AUTS2: variants seen among roughly 807,000 people sequenced by gnomAD.
AUTS2 encodes autism susceptibility gene 2 protein.
Under a neutral mutation model 112.4 loss-of-function variants are expected in AUTS2, and 17 were observed. The observed-to-expected ratio is 0.15, with a 90% CI of 0.10 to 0.23. The LOEUF is 0.23. Ranked by LOEUF, AUTS2 falls within the 10% of genes least tolerant of loss-of-function variation. AUTS2 has a pLI of 1.00. For synonymous variants in AUTS2, 751 were observed against 702.7 expected (o/e 1.07, Z -1.09); for missense variants, 1,510 against 1,701.6 (o/e 0.89, Z 1.98).
chr7:69,691,223 G>A (rs958941603), intron 1 of AUTS2, among the ~76,000 whole-genome samples: 1 of 152,152 alleles, frequency 6.6e-6, no homozygotes, highest in Non-Finnish European at 1.5e-5. Context: ...TCCAAGCCAC[G>A]GACTCCAGCT....
At chr7:69,800,227 C>A (rs1790023252) in intron 1 of AUTS2, among the ~76,000 whole-genome samples, 1 of 152,188 alleles carries the variant, frequency 6.6e-6, no homozygotes, top group South Asian at 2.1e-4. Context: ...CCAGGATCAG[C>A]TTTAGGAAAG....
intron 4 of AUTS2, among the ~76,000 whole-genome samples, chr7:70,392,166 G>A (rs941663574): frequency 2.6e-5 from 4 of 152,038 alleles, no homozygotes; most frequent in African/African-American, 7.2e-5. Flanking sequence ...ACTGTTCCTC[G>A]CCCTAGACAG....
intron 10 of AUTS2, among the ~76,000 whole-genome samples, chr7:70,768,269 A>T (rs983758410): frequency 5.9e-5 from 9 of 152,252 alleles, no homozygotes; most frequent in Non-Finnish European, 1.3e-4. Flanking sequence ...TCAAAAGATC[A>T]TAAGCATTCC....
At chr7:69,749,109 A>G (rs1436906237) in intron 1 of AUTS2, among the ~76,000 whole-genome samples, 1 of 152,144 alleles carries the variant, frequency 6.6e-6, no homozygotes, top group Non-Finnish European at 1.5e-5. Flanking sequence ...ATTGAATGAG[A>G]TGATGTAAGC....
intron 5 of AUTS2, among the ~76,000 whole-genome samples, chr7:70,546,566 C>T (rs1800791745): frequency 6.6e-6 from 1 of 152,114 alleles, no homozygotes; most frequent in African/African-American, 2.4e-5. Flanking sequence ...ATCACGAGGT[C>T]AGGAGATTGA....
Position 70,786,041 on chromosome 7 carries a change from G to A in AUTS2, c.2308+3G>A. The A allele has an allele frequency of 6.2e-7, 1 of 1,613,170 alleles. No individual in the cohort carries two copies. On this transcript the variant is annotated splice_donor_region_variant and intron_variant, in intron 17 of 18. Coordinates refer to ENST00000342771, the MANE Select transcript of AUTS2 (RefSeq NM_015570.4). The stretch of plus-strand genomic sequence containing the variant: ...GGGACTTGGAAATCCTTCCGTTAGT[G>A]AGTACCTCTAACTTTTAAAAATCTG...
chr7:70,610,198 C>A (rs1203777692), intron 5 of AUTS2, among the ~76,000 whole-genome samples: 1 of 152,026 alleles, frequency 6.6e-6, no homozygotes, highest in Non-Finnish European at 1.5e-5. Context: ...AGGGTTTTGC[C>A]ATGTAGGCTG....
At chr7:70,240,138 G>A (rs1478612162) in intron 4 of AUTS2, among the ~76,000 whole-genome samples, 1 of 152,162 alleles carries the variant, frequency 6.6e-6, no homozygotes, top group African/African-American at 2.4e-5. Flanking sequence ...GAATCTCCCA[G>A]CCCCGGTAGC....
chr7:69,695,615 A>G (rs1257064531), intron 1 of AUTS2, among the ~76,000 whole-genome samples: 2 of 152,140 alleles, frequency 1.3e-5, no homozygotes, highest in Non-Finnish European at 2.9e-5. Context: ...ATCCATTTTA[A>G]AAAACTATCC....
intron 4 of AUTS2, among the ~76,000 whole-genome samples, chr7:70,215,096 GCAA>G (rs1811106373): frequency 6.6e-6 from 1 of 152,066 alleles, no homozygotes; most frequent in African/African-American, 2.4e-5. Flanking sequence ...ACTAGCCTGG[GCAA>G]CATACTGAGA....
At chr7:69,702,908 T>C (rs945916815) in intron 1 of AUTS2, among the ~76,000 whole-genome samples, 3 of 152,214 alleles carry the variant, frequency 2.0e-5, no homozygotes, top group Non-Finnish European at 4.4e-5. Context: ...ATTTCACTTA[T>C]GTAGGCACAG....
chr7:70,471,650 C>T (rs1189047710), intron 5 of AUTS2, among the ~76,000 whole-genome samples: 2 of 151,970 alleles, frequency 1.3e-5, no homozygotes, highest in East Asian at 1.9e-4. Context: ...TAGACAAAAA[C>T]GTTTAAGTAT....
At chr7:70,153,426 G>T (rs576880705) in intron 4 of AUTS2, among the ~76,000 whole-genome samples, 116 of 152,312 alleles carry the variant, frequency 7.6e-4, no homozygotes, top group Middle Eastern at 6.8e-3. Context: ...GGCAGGCACA[G>T]AATTGGGAGG....
intron 15 of AUTS2, chr7:70,782,627 G>C (rs1196920735): frequency 6.6e-6 from 1 of 152,166 alleles, no homozygotes; most frequent in Non-Finnish European, 1.5e-5. Context: ...ACTTAAAAAT[G>C]ATGGCACTGA....
At chr7:70,420,309 T>G (rs1795166941) in intron 4 of AUTS2, among the ~76,000 whole-genome samples, 1 of 152,182 alleles carries the variant, frequency 6.6e-6, no homozygotes, top group Non-Finnish European at 1.5e-5. Context: ...TAGGTCTTGC[T>G]TGAGTCTTTT....
At chr7:70,626,867 A>G (rs534999021) in intron 5 of AUTS2, among the ~76,000 whole-genome samples, 1 of 152,290 alleles carries the variant, frequency 6.6e-6, no homozygotes, top group South Asian at 2.1e-4. Context: ...CTGGCTGCAT[A>G]GTATTCCATC....
chr7:70,487,744 G>A (rs762743770), intron 5 of AUTS2, among the ~76,000 whole-genome samples: 13 of 152,320 alleles, frequency 8.5e-5, no homozygotes, highest in Admixed American at 2.0e-4. Flanking sequence ...CGTGAGGAGC[G>A]AGGAGGAAAG....
chr7:70,748,542 C>T (rs1788608326), intron 6 of AUTS2, among the ~76,000 whole-genome samples: 1 of 152,176 alleles, frequency 6.6e-6, no homozygotes, highest in Non-Finnish European at 1.5e-5. Flanking sequence ...TCTTCATTTA[C>T]AGCTACGTAG....
chr7:70,087,184 T>C (rs1803651363), intron 2 of AUTS2, among the ~76,000 whole-genome samples: 1 of 152,076 alleles, frequency 6.6e-6, no homozygotes, highest in Non-Finnish European at 1.5e-5. Context: ...GGAATGGATG[T>C]TGGTTTTGTA....
Sources: gnomAD v4.1 joint callset for allele counts (sites outside exome capture counted in the v4.1 genomes callset) on GRCh38, gnomAD v4.1.1 for gene constraint, MANE v1.5 for transcripts, NCBI Gene and HGNC (gene_info 2026-07-23, HGNC 2026-07-21) for gene names.